ZNF83: variants seen among roughly 807,000 people sequenced by gnomAD.
The protein encoded by ZNF83 is zinc finger protein 816B.
For synonymous variants in ZNF83, 209 were observed against 213.0 expected (o/e 0.98, Z 0.17); for missense variants, 552 against 629.9 (o/e 0.88, Z 1.32).
At position 52,683,228 on chromosome 19, in the gene ZNF83, C is replaced by CTGTGTGTGTG. The variant is rs67463602; in HGVS notation, c.-283+7205_-283+7214dup. On this transcript the variant is annotated intron_variant, in intron 1 of 5. Transcript: ENST00000594682. ...TCAGCTCCTCAGCTGCCCTGTGACTCTGTGTGTGTGTGTGTGTGTGTGTGT... is the reference window on the plus strand; with the variant it reads ...TCAGCTCCTCAGCTGCCCTGTGACTCTGTGTGTGTGTGTGTGTGTGTGTGTGTGTGTGTGT... Among the ~76,000 whole-genome samples the CTGTGTGTGTG allele has an allele frequency of 3.0e-3, 378 of 128,010 alleles. 1 individual carries two copies. Among genetic ancestry groups the CTGTGTGTGTG allele is most frequent in the East Asian group, 0.016 (73 of 4,584 alleles). The allele number at this position is 128,010 out of a possible 152,430, so 84.0% of individuals were successfully genotyped here. A position where few individuals can be genotyped will look rare whatever the true frequency, so the allele number is the denominator to read the frequency against.
chr19:52,648,020 C>T (rs970156661), intron 3 of ZNF83, among the ~76,000 whole-genome samples: 2 of 151,766 alleles, frequency 1.3e-5, no homozygotes, highest in African/African-American at 2.4e-5. Flanking sequence ...GCTGCAAATC[C>T]CTCCTCCTCT....
At chr19:52,665,956 T>C (rs1017760190) in intron 1 of ZNF83, among the ~76,000 whole-genome samples, 13 of 151,424 alleles carry the variant, frequency 8.6e-5, no homozygotes, top group African/African-American at 2.9e-4. Context: ...GTCAGGAGAT[T>C]GAGACCATCC....
intron 1 of ZNF83, among the ~76,000 whole-genome samples, chr19:52,667,479 A>G (rs751013258): frequency 1.3e-5 from 2 of 152,240 alleles, no homozygotes; most frequent in Non-Finnish European, 2.9e-5. Context: ...TTGAAGAAAC[A>G]GTTTATGTGC....
rs569834497 is a variant in ZNF83, at chr19:52,688,371, A to T, written c.-283+2072T>A. On this transcript the variant is annotated intron_variant, in intron 1 of 5. Transcript: ENST00000594682. ...TTTTTTTGGCAGAGATAAGGATCTC[A>T]CTATGTTGTGCAGGCTGGTCTAGAA... 1.3e-3 allele frequency among the ~76,000 whole-genome samples: 191 copies of T among 149,138 alleles called. 1 individual carries two copies. The highest frequency in any genetic ancestry group is 1.1e-3 in the Non-Finnish European group (74 of 67,422).
chr19:52,635,506 T>C (rs534605209), intron 1 of ZNF83: 92 of 159,676 alleles, frequency 5.8e-4, no homozygotes, highest in Middle Eastern at 6.1e-3. Context: ...GATCGCTTAA[T>C]CTCAGGGGTT....
At chr19:52,641,804 G>A (rs1372810780), upstream of ZNF83, among the ~76,000 whole-genome samples, 2 of 152,124 alleles carry the variant, frequency 1.3e-5, no homozygotes, top group Non-Finnish European at 2.9e-5. Flanking sequence ...GCCTCAGGCG[G>A]TCCCGACCAC....
At position 52,618,691 on chromosome 19, in the gene ZNF83, C is replaced by T. The variant is rs2147080418; in HGVS notation, c.-233-3894G>A. 8.6e-6 allele frequency: 6 copies of T among 698,242 alleles called. No homozygotes were observed. The South Asian group carries it at 1.1e-4, about 13-fold the overall frequency. 43.3% of individuals were successfully genotyped at this position (698,242 alleles called of 1,614,324 possible). A position where few individuals can be genotyped will look rare whatever the true frequency, so the allele number is the denominator to read the frequency against. On this transcript the variant is annotated intron_variant, in intron 2 of 2. Transcript: ENST00000301096. ...GGATTACAGGCATGAGTCACCACGC[C>T]TTGCCAGCCATAAGGTTTTAAGCCT...
At position 52,638,297 on chromosome 19, in the gene ZNF83, A is replaced by AAGAGTAGC. The variant is rs931507002; in HGVS notation, c.-322+14_-322+15insGCTACTCT. ...GACCTGGTAAGCGCAGACTTAATAG[A>AAGAGTAGC]AGAGCGAAACTCACCGCCACGGTGT... On this transcript the variant is annotated intron_variant, in intron 1 of 2. Coordinates refer to ENST00000301096, the Ensembl canonical transcript of ZNF83. 7.9e-4 allele frequency: 115 copies of AAGAGTAGC among 145,298 alleles called. No homozygotes were observed. The highest frequency in any genetic ancestry group is 2.7e-3 in the African/African-American group (106 of 39,208). The allele number at this position is 145,298 out of a possible 1,614,324, so 9.0% of individuals were successfully genotyped here.
In ZNF83 at chr19:52,614,498, A is replaced by G. The variant is rs1340166232; in HGVS notation, c.67T>C (p.Ser23Pro). Residue 23 changes from serine to proline, a missense_variant, in exon 3 of 3, where the codon TCA becomes CCA. Ser to Pro is a moderately conservative substitution (Grantham distance 74). Coordinates refer to ENST00000301096, the Ensembl canonical transcript of ZNF83. ...AATAGCTGCAGTTCTGGTAGATGTGACTGCGGGTTTAATCCAAGCTGATTT... is the reference window on the plus strand; with the variant it reads ...AATAGCTGCAGTTCTGGTAGATGTGGCTGCGGGTTTAATCCAAGCTGATTT... 1.9e-6 allele frequency: 3 copies of G among 1,608,154 alleles called. No homozygotes were observed. The African/African-American group carries it at 4.0e-5, about 21-fold the overall frequency.
At chr19:52,680,738 GA>G (rs2061899739) in intron 1 of ZNF83, among the ~76,000 whole-genome samples, 1 of 137,676 alleles carries the variant, frequency 7.3e-6, no homozygotes, top group South Asian at 2.3e-4. Flanking sequence ...TCAGCCTCCC[GA>G]GTAACTGGGA....
intron 2 of ZNF83, among the ~76,000 whole-genome samples, chr19:52,656,032 G>A (rs2061499829): frequency 6.6e-6 from 1 of 151,974 alleles, no homozygotes; most frequent in African/African-American, 2.4e-5. Flanking sequence ...GCAACATGGT[G>A]AAACCAAGTC....
intron 2 of ZNF83, among the ~76,000 whole-genome samples, chr19:52,619,881 T>C (rs1484962367): frequency 3.3e-5 from 5 of 151,832 alleles, no homozygotes; most frequent in African/African-American, 9.7e-5. Flanking sequence ...AAACTCCATC[T>C]CAAAGAAAGA....
upstream of ZNF83, among the ~76,000 whole-genome samples, chr19:52,640,982 G>C (rs1486214156): frequency 6.6e-6 from 1 of 152,082 alleles, no homozygotes; most frequent in Non-Finnish European, 1.5e-5. Context: ...CGGGCAAGAG[G>C]ATGACAGCAG....
At chr19:52,625,095 A>C (rs2060689420) in intron 2 of ZNF83, among the ~76,000 whole-genome samples, 1 of 151,526 alleles carries the variant, frequency 6.6e-6, no homozygotes, top group Admixed American at 6.6e-5. Context: ...TGGCAGTTCC[A>C]CCAGGCCTAA....
rs183809039 is a variant in ZNF83 at position 52,619,056 on chromosome 19, A to G, written c.-233-4259T>C. The G allele has an allele frequency of 5.8e-4, 930 of 1,612,952 alleles. 11 individuals are homozygous for G. The East Asian group carries it at 0.017, about 30-fold the overall frequency. On this transcript the variant is annotated intron_variant, in intron 2 of 2. Coordinates refer to ENST00000301096, the Ensembl canonical transcript of ZNF83. ...TCTATGGCCACATCCCTGAATGTCA[A>G]TAGACCCTGAAATGAAAACACATTT...
rs370131067 is a variant in ZNF83 at position 52,615,507 on chromosome 19, G to A, written c.-233-710C>T. On this transcript the variant is annotated intron_variant, in intron 2 of 2. Transcript: ENST00000301096. ...TAATCTCAGCAACTGGGGAGGCCAC[G>A]GTGAGTGAATCATCTGAGGTCAGGA... Among the ~76,000 whole-genome samples, 24 of 152,222 alleles carry A rather than the reference G, an allele frequency of 1.6e-4. No individual in the cohort carries two copies. In the East Asian group the frequency reaches 2.9e-3, roughly 18 times the overall value.
At chr19:52,664,743 G>A (rs780513550) in intron 1 of ZNF83, among the ~76,000 whole-genome samples, 40 of 150,804 alleles carry the variant, frequency 2.7e-4, no homozygotes, top group Non-Finnish European at 5.3e-4. Flanking sequence ...GAAGGACAAG[G>A]GGCCTGGTGT....
chr19:52,647,748 C>A (rs373210851), intron 3 of ZNF83, among the ~76,000 whole-genome samples: 9 of 151,786 alleles, frequency 5.9e-5, no homozygotes, highest in African/African-American at 1.9e-4. Context: ...TCCTTCTCTT[C>A]CACCTCTTCT....
intron 1 of ZNF83, among the ~76,000 whole-genome samples, chr19:52,673,642 ATC>A (rs2061757707): frequency 6.6e-6 from 1 of 152,226 alleles, no homozygotes; most frequent in South Asian, 2.1e-4. Flanking sequence ...TGCAAATATT[ATC>A]TTTTTGTTTT....
Sources: gnomAD v4.1 joint callset for allele counts (sites outside exome capture counted in the v4.1 genomes callset) on GRCh38, gnomAD v4.1.1 for gene constraint, MANE v1.5 for transcripts, NCBI Gene and HGNC (gene_info 2026-07-23, HGNC 2026-07-21) for gene names.